TEAD1: variants seen among roughly 807,000 people sequenced by gnomAD.
TEAD1 encodes the protein transcriptional enhancer factor TEF-1.
TEAD1 carries 9 observed loss-of-function variants against 54.9 expected under a neutral mutation model. The observed-to-expected ratio is 0.16, with a 90% CI of 0.10 to 0.29. The LOEUF is 0.29. TEAD1 is among the 10% of genes least tolerant of loss of function. The pLI is 1.00. For missense variants in TEAD1, 387 were observed against 535.9 expected, an observed-to-expected ratio of 0.72 and a Z score of 2.74; for synonymous variants, 200 against 187.8, an observed-to-expected ratio of 1.07 and a Z score of -0.53.
At chr11:12,728,608 C>T (rs947262149) in intron 2 of TEAD1, among the ~76,000 whole-genome samples, 2 of 152,194 alleles carry the variant, frequency 1.3e-5, no homozygotes, top group Admixed American at 1.3e-4. Context: ...TCGGGCTAGT[C>T]TTGTAATAGC....
At chr11:12,855,647 A>G (rs2134057912) in intron 3 of TEAD1, among the ~76,000 whole-genome samples, 1 of 151,940 alleles carries the variant, frequency 6.6e-6, no homozygotes, top group African/African-American at 2.4e-5. Context: ...CCAGCTGATG[A>G]AAACAGACTT....
At chr11:12,794,953 A>G (rs766875915) in intron 3 of TEAD1, among the ~76,000 whole-genome samples, 3 of 152,222 alleles carry the variant, frequency 2.0e-5, no homozygotes, top group Non-Finnish European at 4.4e-5. Flanking sequence ...ATTCAGTCTC[A>G]TGCATCTCAG....
intron 3 of TEAD1, among the ~76,000 whole-genome samples, chr11:12,791,681 T>G (rs889490479): frequency 6.6e-6 from 1 of 152,174 alleles, no homozygotes; most frequent in Non-Finnish European, 1.5e-5. Flanking sequence ...TTGATTGAGA[T>G]TTGGGGCCAA....
chr11:12,752,582 ATGT>A (rs960816809), intron 2 of TEAD1, among the ~76,000 whole-genome samples: 3 of 152,028 alleles, frequency 2.0e-5, no homozygotes, highest in African/African-American at 7.3e-5. Flanking sequence ...CAATTCACCC[ATGT>A]TGTTACTTGC....
chr11:12,908,052 A>G (rs1354685882), intron 10 of TEAD1, among the ~76,000 whole-genome samples: 1 of 152,176 alleles, frequency 6.6e-6, no homozygotes, highest in Non-Finnish European at 1.5e-5. Context: ...GTATATTATT[A>G]TGTTCTGATT....
chr11:12,829,647 A>G (rs1301041238), intron 3 of TEAD1, among the ~76,000 whole-genome samples: 1 of 152,216 alleles, frequency 6.6e-6, no homozygotes, highest in Non-Finnish European at 1.5e-5. Flanking sequence ...CACTGTTAGC[A>G]TGAAAGGTGG....
chr11:12,755,443 A>AT (rs1328282962), intron 2 of TEAD1, among the ~76,000 whole-genome samples: 1 of 152,020 alleles, frequency 6.6e-6, no homozygotes, highest in African/African-American at 2.4e-5. Flanking sequence ...TGTTTTCTTT[A>AT]TTTTTAGTAA....
intron 2 of TEAD1, among the ~76,000 whole-genome samples, chr11:12,739,736 G>T (rs1944613992): frequency 6.6e-6 from 1 of 152,166 alleles, no homozygotes; most frequent in Non-Finnish European, 1.5e-5. Context: ...AGTCATTCAT[G>T]CATTTGTCCC....
chr11:12,800,965 T>G (rs1027392062), intron 3 of TEAD1, among the ~76,000 whole-genome samples: 2 of 152,208 alleles, frequency 1.3e-5, no homozygotes, highest in African/African-American at 4.8e-5. Flanking sequence ...GGTTTAAAAA[T>G]TCTGTTGAAT....
At chr11:12,718,607 A>T (rs1419282689) in intron 2 of TEAD1, among the ~76,000 whole-genome samples, 1 of 151,818 alleles carries the variant, frequency 6.6e-6, no homozygotes, top group Non-Finnish European at 1.5e-5. Context: ...GAAATTATTG[A>T]TGTAATTCAA....
chr11:12,699,061 A>G (rs1943643231), intron 2 of TEAD1, among the ~76,000 whole-genome samples: 1 of 152,224 alleles, frequency 6.6e-6, no homozygotes, highest in Admixed American at 6.5e-5. Flanking sequence ...AAATCATGGT[A>G]TATTTTATAT....
At chr11:12,683,018 C>T (rs1943256058) in intron 2 of TEAD1, among the ~76,000 whole-genome samples, 1 of 152,014 alleles carries the variant, frequency 6.6e-6, no homozygotes, top group Non-Finnish European at 1.5e-5. Flanking sequence ...GAAAAAAATC[C>T]CAGAGTCAGT....
chr11:12,682,223 T>C (rs978047879), intron 2 of TEAD1, among the ~76,000 whole-genome samples: 1 of 152,238 alleles, frequency 6.6e-6, no homozygotes, highest in African/African-American at 2.4e-5. Flanking sequence ...ATAGGCTGAA[T>C]CTTTATGGAA....
At chr11:12,928,597 CA>C (rs990109482) in intron 11 of TEAD1, among the ~76,000 whole-genome samples, 11 of 148,876 alleles carry the variant, frequency 7.4e-5, no homozygotes, top group African/African-American at 2.9e-4. Context: ...ACCTGTTTGC[CA>C]AATTTCAGTC....
At chr11:12,875,081 T>G (rs1947828313) in intron 5 of TEAD1, among the ~76,000 whole-genome samples, 1 of 152,102 alleles carries the variant, frequency 6.6e-6, no homozygotes, top group African/African-American at 2.4e-5. Context: ...AACCTAACAG[T>G]TTTTCAGCAT....
At chr11:12,878,843 C>T (rs1947909404) in intron 5 of TEAD1, 3 of 1,233,070 alleles carry the variant, frequency 2.4e-6, no homozygotes, top group Non-Finnish European at 3.1e-6. Flanking sequence ...AAAAAAAATC[C>T]CTTTTTATGC....
At chr11:12,918,446 A>G (rs985424421) in intron 10 of TEAD1, among the ~76,000 whole-genome samples, 6 of 152,046 alleles carry the variant, frequency 3.9e-5, no homozygotes, top group South Asian at 2.1e-4. Context: ...ATTATTTTCC[A>G]TGTTCAAGGG....
chr11:12,937,048 T>C, intron 12 of TEAD1, 61 bp from the exon 13 acceptor site: 1 of 1,177,024 alleles, frequency 8.5e-7, no homozygotes, highest in Non-Finnish European at 1.3e-6. Flanking sequence ...ATAGTCGTCA[T>C]ACACAGATGG....
chr11:12,737,881 A>T (rs1280563021), intron 2 of TEAD1, among the ~76,000 whole-genome samples: 1 of 152,206 alleles, frequency 6.6e-6, no homozygotes, highest in Non-Finnish European at 1.5e-5. Flanking sequence ...CTTACAAAGA[A>T]AAAGAGGTTT....
Sources: allele counts gnomAD v4.1 joint callset (sites outside exome capture counted in the v4.1 genomes callset), GRCh38; gene constraint gnomAD v4.1.1; transcripts MANE v1.5; gene names NCBI Gene and HGNC (gene_info 2026-07-23, HGNC 2026-07-21).